JAK1: variants seen among roughly 807,000 people sequenced by gnomAD.
JAK1 encodes the protein Janus kinase 1.
Under a neutral mutation model 136.6 loss-of-function variants are expected in JAK1, and 16 were observed. The observed-to-expected ratio is 0.12, with a 90% CI of 0.08 to 0.18. JAK1 has a LOEUF of 0.18. Among genes scored for constraint, JAK1 ranks in the 10% least tolerant of loss-of-function variants. The pLI is 1.00. For synonymous variants in JAK1, 492 were observed against 519.5 expected (o/e 0.95, Z 0.72); for missense variants, 859 against 1,450.1 (o/e 0.59, Z 6.62).
intron 5 of JAK1, among the ~76,000 whole-genome samples, chr1:64,870,772 G>A (rs1337417328): frequency 6.6e-5 from 10 of 152,080 alleles, no homozygotes; most frequent in Admixed American, 2.0e-4. Context: ...CACTGCTCCC[G>A]TTTCTCTTCT....
chr1:64,969,100 A>G (rs1227641134), upstream of JAK1, among the ~76,000 whole-genome samples: 1 of 151,466 alleles, frequency 6.6e-6, no homozygotes, highest in Non-Finnish European at 1.5e-5. Context: ...ACAGAGTGAG[A>G]CCCCTTCTCT....
intron 2 of JAK1, chr1:64,985,199 T>G: frequency 6.4e-7 from 1 of 1,558,728 alleles, no homozygotes; most frequent in Non-Finnish European, 8.8e-7. Context: ...CTTGAACACC[T>G]GCACCCTTAA....
At chr1:65,026,450 G>A (rs1466651250) in intron 2 of JAK1, among the ~76,000 whole-genome samples, 1 of 152,152 alleles carries the variant, frequency 6.6e-6, no homozygotes, top group Non-Finnish European at 1.5e-5. Context: ...GCTTCCAGCA[G>A]TGAAAATGAG....
intron 1 of JAK1, among the ~76,000 whole-genome samples, chr1:64,886,802 A>C (rs934524061): frequency 1.5e-4 from 23 of 151,112 alleles, no homozygotes; most frequent in Non-Finnish European, 2.7e-4. Context: ...AGAGCTTTGT[A>C]TTATTTTAAC....
intron 2 of JAK1, among the ~76,000 whole-genome samples, chr1:64,993,748 C>T (rs754694965): frequency 2.6e-5 from 4 of 152,062 alleles, no homozygotes; most frequent in Admixed American, 6.6e-5. Flanking sequence ...CAGGTTCAAG[C>T]GATTCTCCTC....
intron 7 of JAK1, among the ~76,000 whole-genome samples, chr1:64,865,920 C>G (rs1462410774): frequency 6.6e-6 from 1 of 152,062 alleles, no homozygotes; most frequent in Admixed American, 6.6e-5. Flanking sequence ...CCACCACATC[C>G]TGCTAATTTT....
At chr1:64,899,790 C>G (rs1235668813) in intron 1 of JAK1, among the ~76,000 whole-genome samples, 1 of 152,162 alleles carries the variant, frequency 6.6e-6, no homozygotes, top group Non-Finnish European at 1.5e-5. Flanking sequence ...GCTCCACTTT[C>G]AATTTGGACT....
intron 13 of JAK1, among the ~76,000 whole-genome samples, chr1:64,847,321 C>T (rs1655299077): frequency 6.6e-6 from 1 of 152,102 alleles, no homozygotes; most frequent in Non-Finnish European, 1.5e-5. Flanking sequence ...AGGGAGGGCA[C>T]AGGCTGAGTG....
intron 7 of JAK1, among the ~76,000 whole-genome samples, chr1:64,865,555 A>C (rs2101106991): frequency 6.6e-6 from 1 of 152,304 alleles, no homozygotes; most frequent in South Asian, 2.1e-4. Context: ...TGCCTCTGCC[A>C]ATTACTTAAC....
intron 2 of JAK1, among the ~76,000 whole-genome samples, chr1:64,980,877 A>G (rs1234508882): frequency 1.3e-5 from 2 of 152,124 alleles, no homozygotes; most frequent in Non-Finnish European, 2.9e-5. Flanking sequence ...TTCCAGCTTC[A>G]TCCATGTCCC....
intron 2 of JAK1, among the ~76,000 whole-genome samples, chr1:65,014,770 T>C (rs755950682): frequency 5.3e-5 from 8 of 151,846 alleles, no homozygotes; most frequent in East Asian, 1.9e-4. Context: ...CTGCAAGCTC[T>C]GCCTCCCGGG....
intron 5 of JAK1, 54 bp downstream of exon 5, chr1:64,873,316 C>A: frequency 6.2e-7 from 1 of 1,607,390 alleles, no homozygotes. Context: ...CTGAGCTCTA[C>A]AATGCCTCTC....
intron 2 of JAK1, among the ~76,000 whole-genome samples, chr1:64,998,527 G>T (rs577832277): frequency 6.6e-6 from 1 of 152,136 alleles, no homozygotes; most frequent in Non-Finnish European, 1.5e-5. Flanking sequence ...ATCTCTGGCC[G>T]TAAGATTAGT....
intron 7 of JAK1, among the ~76,000 whole-genome samples, chr1:64,866,043 A>T (rs1656684210): frequency 6.6e-6 from 1 of 152,232 alleles, no homozygotes. Flanking sequence ...TACAGGTGTG[A>T]GCCACTGCAC....
intron 1 of JAK1, among the ~76,000 whole-genome samples, chr1:64,898,729 G>A (rs1433793244): frequency 6.6e-6 from 1 of 152,196 alleles, no homozygotes; most frequent in African/African-American, 2.4e-5. Flanking sequence ...CAGTTAAACA[G>A]TCTCCAGGAG....
intron 3 of JAK1, among the ~76,000 whole-genome samples, chr1:64,881,938 AAAAC>A (rs1296238354): frequency 2.0e-5 from 3 of 152,218 alleles, no homozygotes; most frequent in Admixed American, 6.5e-5. Context: ...AGAAAACAAA[AAAAC>A]AAAGCCTTAA....
intron 1 of JAK1, among the ~76,000 whole-genome samples, chr1:64,959,389 A>C (rs979596537): frequency 5.9e-5 from 9 of 152,236 alleles, no homozygotes; most frequent in Non-Finnish European, 1.2e-4. Flanking sequence ...ATTCCATAGA[A>C]ACTGAATACA....
chr1:65,036,016 C>T (rs989771086), intron 2 of JAK1, among the ~76,000 whole-genome samples: 4 of 151,940 alleles, frequency 2.6e-5, no homozygotes, highest in East Asian at 1.9e-4. Context: ...TGCAGTGAGC[C>T]GAGATTGTGC....
chr1:64,963,822 G>T (rs1371818901), intron 1 of JAK1, among the ~76,000 whole-genome samples: 1 of 152,012 alleles, frequency 6.6e-6, no homozygotes, highest in African/African-American at 2.4e-5. Flanking sequence ...CTTAACCTGG[G>T]CACTACTGAG....
Sources: gnomAD v4.1 joint callset for allele counts (sites outside exome capture counted in the v4.1 genomes callset) on GRCh38, gnomAD v4.1.1 for gene constraint, MANE v1.5 for transcripts, NCBI Gene and HGNC (gene_info 2026-07-23, HGNC 2026-07-21) for gene names.